P2RX5: variants seen among roughly 807,000 people sequenced by gnomAD.
P2RX5 encodes the protein P2X purinoceptor 5.
In P2RX5, 46 loss-of-function variants were observed where a neutral mutation model predicts 54.1. That is an observed-to-expected ratio of 0.85 (90% confidence interval 0.67 to 1.09). The LOEUF (loss-of-function observed/expected upper bound fraction) is 1.09, where lower values mean the gene tolerates loss of function less well. P2RX5 is among the 50% of genes least tolerant of loss of function. The pLI, the probability that P2RX5 is intolerant of heterozygous loss-of-function variation, is 0.00. For synonymous variants in P2RX5, 226 were observed against 226.4 expected, an observed-to-expected ratio of 1.00 and a Z score of 0.02; for missense variants, 566 against 549.8, an observed-to-expected ratio of 1.03 and a Z score of -0.29.
chr17:3,675,989 C>T (rs185123195), intron 11 of P2RX5: 31 of 985,376 alleles, frequency 3.1e-5, no homozygotes, highest in Admixed American at 1.2e-4. Flanking sequence ...TGACATCCCT[C>T]TCCAAAGCCT....
intron 10 of P2RX5, among the ~76,000 whole-genome samples, chr17:3,680,511 A>ATCCTCCACCCTGCG (rs2050234177): frequency 1.3e-5 from 1 of 74,680 alleles, no homozygotes; most frequent in Non-Finnish European, 2.5e-5. Flanking sequence ...TCCACCCTGC[A>ATCCTCCACCCTGCG]TCCTCCACCC....
At chr17:3,701,885 A>C in the P2RX5 span, among the ~76,000 whole-genome samples, 1 of 151,492 alleles carries the variant, frequency 6.6e-6, no homozygotes, top group Non-Finnish European at 1.5e-5. Context: ...CCTCCCAAAT[A>C]GCTGGGACTA....
At chr17:3,705,590 C>G in the P2RX5 span, among the ~76,000 whole-genome samples, 1 of 152,082 alleles carries the variant, frequency 6.6e-6, no homozygotes, top group East Asian at 1.9e-4. Flanking sequence ...CTCGCTGTCA[C>G]AGTTGGGTAC....
chr17:3,682,429 T>A, intron 9 of P2RX5: 1 of 258,290 alleles, frequency 3.9e-6, no homozygotes, highest in Non-Finnish European at 7.7e-6. Context: ...CCTTAAGGAC[T>A]AAAGAGGAGT....
intron 10 of P2RX5, 32 bp from the exon 11 acceptor site, chr17:3,679,816 G>T (rs570213633): frequency 6.3e-7 from 1 of 1,588,916 alleles, no homozygotes; most frequent in Admixed American, 1.7e-5. Context: ...CACCTGGGAC[G>T]GCCCTGCAGG....
the P2RX5 span, among the ~76,000 whole-genome samples, chr17:3,716,093 G>A: frequency 0.13 from 20,204 of 151,652 alleles, 4,522 homozygotes; most frequent in African/African-American, 0.46. Context: ...GGGTCAGGGT[G>A]GGGGGAAGGG....
chr17:3,681,447 G>A (rs1214350406), intron 10 of P2RX5, among the ~76,000 whole-genome samples: 1 of 152,010 alleles, frequency 6.6e-6, no homozygotes. Context: ...CAGGGCCCAG[G>A]AAACTCCGGA....
Position 3,679,598 on chromosome 17 carries a change from C to A in P2RX5, c.1251G>T (p.Glu417Asp). Residue 417 changes from glutamate to aspartate, a missense_variant, in exon 11 of 12, where the codon GAG becomes GAT. Coordinates refer to ENST00000225328, the MANE Select transcript of P2RX5 (RefSeq NM_002561.4). ...GNGSVCPQLL[E>D]PHRST ...CCTAGCAGTGGCCTCACCTGTGGGG[C>A]TCCAGGAGCTGTGGGCACACAGATC... is the stretch of plus-strand genomic sequence containing the variant. The A allele has an allele frequency of 6.2e-7, 1 of 1,607,072 alleles. No individual in the cohort carries two copies.
chr17:3,712,242 A>G, the P2RX5 span, among the ~76,000 whole-genome samples: 1 of 152,212 alleles, frequency 6.6e-6, no homozygotes, highest in East Asian at 1.9e-4. Flanking sequence ...ACAGAGAACA[A>G]TATCATCAAG....
At chr17:3,673,913 C>G in intron 11 of P2RX5, 36 bp from the exon 12 acceptor site, 1 of 1,578,102 alleles carries the variant, frequency 6.3e-7, no homozygotes, top group African/African-American at 1.4e-5. Context: ...TCTTGAGAGG[C>G]TGGCACTCTC....
intron 1 of P2RX5, chr17:3,692,074 G>A (rs2050632620): frequency 2.2e-6 from 1 of 461,698 alleles, no homozygotes; most frequent in Non-Finnish European, 4.0e-6. Context: ...ATAATCCGAG[G>A]CAGGCAGATC....
At chr17:3,679,815 C>G in intron 10 of P2RX5, 31 bp from the exon 11 acceptor site, 1 of 1,591,906 alleles carries the variant, frequency 6.3e-7, no homozygotes, top group South Asian at 1.1e-5. Flanking sequence ...TCACCTGGGA[C>G]GGCCCTGCAG....
intron 11 of P2RX5, 139 bp from the exon 12 acceptor site, chr17:3,674,016 A>G (rs1429820863): frequency 5.5e-6 from 5 of 903,420 alleles, no homozygotes; most frequent in Non-Finnish European, 8.9e-6. Flanking sequence ...CCCATTTAAA[A>G]GCCAGTTTCC....
chr17:3,679,446 C>T, intron 11 of P2RX5, 144 bp downstream of exon 11: 6 of 729,652 alleles, frequency 8.2e-6, no homozygotes, highest in Non-Finnish European at 1.4e-5. Flanking sequence ...CAGAGGCTCT[C>T]CCAGTTCCTA....
At chr17:3,697,933 G>C (rs1050093819), upstream of P2RX5, among the ~76,000 whole-genome samples, 1 of 152,086 alleles carries the variant, frequency 6.6e-6, no homozygotes, top group African/African-American at 2.4e-5. Context: ...GCTAAGACCA[G>C]AAGCTCCCGG....
rs2142993537 is a variant in P2RX5, at chr17:3,673,748, T to G, written c.*120A>C. 2 of 1,609,138 alleles carry G rather than the reference T, an allele frequency of 1.2e-6. No individual in the cohort carries two copies. The highest frequency in any genetic ancestry group is 4.5e-5 in the East Asian group (2 of 44,786). On this transcript the variant is annotated 3_prime_UTR_variant, in exon 12 of 12. Transcript: ENST00000225328. ...ATGGCTGGTCCCTGTGATGTGGCAT[T>G]GATAGCACCCAATGTACAAATTTCC...
the P2RX5 span, among the ~76,000 whole-genome samples, chr17:3,714,442 A>G: frequency 0.38 from 57,360 of 150,056 alleles, 12,960 homozygotes; most frequent in South Asian, 0.6. Context: ...TGGCTAGGAT[A>G]GTCTCGATCT....
At chr17:3,715,853 T>TA in the P2RX5 span, among the ~76,000 whole-genome samples, 1 of 151,906 alleles carries the variant, frequency 6.6e-6, no homozygotes, top group African/African-American at 2.4e-5. Context: ...ACAAAGACCC[T>TA]GGTGTTTATT....
chr17:3,688,672 G>C lies in P2RX5; in HGVS notation c.841C>G (p.Leu281Val), dbSNP rs919816099. 30 of 1,613,950 alleles carry C rather than the reference G, an allele frequency of 1.9e-5. No individual in the cohort carries two copies. Among genetic ancestry groups the C allele is most frequent in the African/African-American group, 2.7e-5 (2 of 74,932 alleles). ...ECHPHYSFSRLDNKLSKSVSS... is the reference protein window; with the variant it reads ...ECHPHYSFSRVDNKLSKSVSS... The stretch of plus-strand genomic sequence containing the variant: ...ACAGACTTTGAAAGTTTATTGTCCA[G>C]ACGGCTAAAAGAATAGTGAGGGTGG... Residue 281 changes from leucine (L) to valine (V), a missense_variant, in exon 8 of 12, where the codon CTG becomes GTG. Physicochemically the swap from Leu to Val is conservative, Grantham distance 32. Coordinates refer to ENST00000225328, the MANE Select transcript of P2RX5 (RefSeq NM_002561.4).
Sources: gnomAD v4.1 joint callset for allele counts (sites outside exome capture counted in the v4.1 genomes callset) on GRCh38, gnomAD v4.1.1 for gene constraint, MANE v1.5 for transcripts, NCBI Gene and HGNC (gene_info 2026-07-23, HGNC 2026-07-21) for gene names.